Variants in KCNMA1 observed in about 807,000 individuals in gnomAD.
The protein encoded by KCNMA1 is potassium calcium-activated channel subfamily M alpha 1.
In KCNMA1, 29 loss-of-function variants were observed where a neutral mutation model predicts 140.0. The ratio of observed to expected loss-of-function variants is 0.21; its 90% CI spans 0.15 to 0.28. The LOEUF is 0.28. Among genes scored for constraint, KCNMA1 ranks in the 10% least tolerant of loss-of-function variants. The pLI, the probability that KCNMA1 is intolerant of heterozygous loss-of-function variation, is 1.00. For missense variants in KCNMA1, 880 were observed against 1,602.2 expected, an observed-to-expected ratio of 0.55 and a Z score of 7.70; for synonymous variants, 612 against 611.9, an observed-to-expected ratio of 1.00 and a Z score of 0.00.
chr10:77,039,177 T>G, intron 15 of KCNMA1: 1 of 336,542 alleles, frequency 3.0e-6, no homozygotes, highest in Non-Finnish European at 5.6e-6. Flanking sequence ...GCTGGCAAGA[T>G]TTGTTTTGCC....
chr10:77,261,236 C>CAG (rs1173251890), intron 2 of KCNMA1, among the ~76,000 whole-genome samples: 1 of 152,280 alleles, frequency 6.6e-6, no homozygotes, highest in East Asian at 1.9e-4. Flanking sequence ...ATGCATCCAT[C>CAG]AGTATATAGA....
rs35370605 is a variant in KCNMA1, at chr10:77,544,150, CTGTGTGTGTG to C, written c.378+93105_378+93114del. ...ATCTGTGATCTACATATCTTTCCAG[CTGTGTGTGTG>C]TGTGTGTGTGTGTGTGTGTGTGTGT... On this transcript the variant is annotated intron_variant, in intron 1 of 27. Coordinates refer to ENST00000286628, the MANE Select transcript of KCNMA1 (RefSeq NM_001161352.2). 1.6e-4 allele frequency among the ~76,000 whole-genome samples: 23 copies of C among 142,554 alleles called. 1 individual carries two copies. The highest frequency in any genetic ancestry group is 6.9e-4 in the South Asian group (3 of 4,340). 93.5% of individuals were successfully genotyped at this position (142,554 alleles called of 152,430 possible).
At chr10:76,919,017 T>C (rs1265048786) in intron 23 of KCNMA1, among the ~76,000 whole-genome samples, 1 of 151,768 alleles carries the variant, frequency 6.6e-6, no homozygotes, top group African/African-American at 2.4e-5. Context: ...GTGACCTGGA[T>C]GAGACTGGAG....
chr10:77,068,051 C>T (rs1049620974), intron 14 of KCNMA1, among the ~76,000 whole-genome samples: 1 of 152,170 alleles, frequency 6.6e-6, no homozygotes, highest in Non-Finnish European at 1.5e-5. Flanking sequence ...AAGGGCAAAC[C>T]TGGAACCAGT....
chr10:77,158,978 GGCTAAA>G (rs1564889100), intron 5 of KCNMA1, among the ~76,000 whole-genome samples: 3 of 152,170 alleles, frequency 2.0e-5, no homozygotes, highest in Non-Finnish European at 4.4e-5. Context: ...CACAGGTTTA[GGCTAAA>G]GACATTATCC....
intron 1 of KCNMA1, among the ~76,000 whole-genome samples, chr10:77,515,717 C>G (rs915575258): frequency 1.3e-5 from 2 of 151,596 alleles, no homozygotes; most frequent in African/African-American, 4.9e-5. Flanking sequence ...TGTCTCTTTC[C>G]TTCTCTGCCT....
At position 77,501,734 on chromosome 10, in the gene KCNMA1, C is replaced by T. The variant is rs897210634; in HGVS notation, c.379-97711G>A. Reference sequence around the variant, plus strand: ...CCTGGGCAAGTTCCAGGATGCTGTCCTCAAGTACCACGTGGCCACTGCTAC... The same window carrying T: ...CCTGGGCAAGTTCCAGGATGCTGTCTTCAAGTACCACGTGGCCACTGCTAC... On this transcript the variant is annotated intron_variant, in intron 1 of 27. Transcript: ENST00000286628. Among the ~76,000 whole-genome samples the T allele has an allele frequency of 3.3e-5, 5 of 152,218 alleles. No homozygotes were observed. The East Asian group carries it at 9.6e-4, about 29-fold the overall frequency.
chr10:77,410,260 C>T (rs2096589643), intron 1 of KCNMA1, among the ~76,000 whole-genome samples: 1 of 152,230 alleles, frequency 6.6e-6, no homozygotes, highest in South Asian at 2.1e-4. Flanking sequence ...GCTGCTGCCA[C>T]ACCTGCTCTC....
At chr10:77,545,854 G>T (rs538180402) in intron 1 of KCNMA1, among the ~76,000 whole-genome samples, 25 of 152,290 alleles carry the variant, frequency 1.6e-4, no homozygotes, top group African/African-American at 5.1e-4. Flanking sequence ...ATATAGCTCA[G>T]CTCGGACTGA....
chr10:77,581,495 T>C (rs564811599), intron 1 of KCNMA1, among the ~76,000 whole-genome samples: 58 of 152,196 alleles, frequency 3.8e-4, no homozygotes, highest in African/African-American at 1.3e-3. Flanking sequence ...TTAGTAGAGA[T>C]GGGGTTTCAC....
intron 1 of KCNMA1, among the ~76,000 whole-genome samples, chr10:77,585,344 C>CATGGTACTG (rs1244084756): frequency 2.0e-5 from 3 of 152,204 alleles, no homozygotes; most frequent in African/African-American, 7.2e-5. Context: ...TGAGGACAAG[C>CATGGTACTG]ATGGTACTGA....
intron 1 of KCNMA1, among the ~76,000 whole-genome samples, chr10:77,586,013 C>T (rs1478521524): frequency 1.3e-5 from 2 of 152,224 alleles, no homozygotes; most frequent in East Asian, 1.9e-4. Context: ...AATCTGACCA[C>T]GCACACTTTA....
In KCNMA1 at chr10:76,923,507, G is replaced by A. The variant is rs540662462; in HGVS notation, c.2903-8458C>T. Among the ~76,000 whole-genome samples the A allele has an allele frequency of 9.9e-5, 15 of 152,094 alleles. 1 individual carries two copies. In the East Asian group the frequency reaches 2.9e-3, roughly 29 times the overall value. On this transcript the variant is annotated intron_variant, in intron 23 of 27. Transcript: ENST00000286628. Reference sequence around the variant, plus strand: ...GATGTTTCTCAGAAGGGTTGGTTAAGGGGAGGAAGGAAGAAAAAGACAAAG... The same window carrying A: ...GATGTTTCTCAGAAGGGTTGGTTAAAGGGAGGAAGGAAGAAAAAGACAAAG...
intron 2 of KCNMA1, among the ~76,000 whole-genome samples, chr10:77,294,561 C>G (rs2074343860): frequency 6.6e-6 from 1 of 152,192 alleles, no homozygotes. Flanking sequence ...CACATGTGTG[C>G]AAAGACCAAT....
chr10:77,435,102 T>A lies in KCNMA1; in HGVS notation c.379-31079A>T, dbSNP rs185023261. 4.2e-3 allele frequency among the ~76,000 whole-genome samples: 621 copies of A among 146,576 alleles called. 7 individuals carry two copies. Among genetic ancestry groups the A allele is most frequent in the African/African-American group, 0.016 (595 of 37,158 alleles). ...GGCATGTGCTACCACACCTGGCTAT[T>A]TTTTTTTTAATTTTTTGTAGAGATG... On this transcript the variant is annotated intron_variant, in intron 1 of 27. Coordinates refer to ENST00000286628, the MANE Select transcript of KCNMA1 (RefSeq NM_001161352.2).
intron 5 of KCNMA1, among the ~76,000 whole-genome samples, chr10:77,153,711 C>T (rs1454505775): frequency 6.6e-6 from 1 of 152,068 alleles, no homozygotes; most frequent in Non-Finnish European, 1.5e-5. Context: ...TTTTTTTATT[C>T]TGCATTTCTC....
chr10:77,308,942 GA>G (rs1163453457), intron 2 of KCNMA1, among the ~76,000 whole-genome samples: 1 of 152,160 alleles, frequency 6.6e-6, no homozygotes, highest in Non-Finnish European at 1.5e-5. Flanking sequence ...GCCAAGTCAG[GA>G]TTTGAACTCT....
At position 76,920,160 on chromosome 10, in the gene KCNMA1, C is replaced by T. The variant is rs571917968; in HGVS notation, c.2903-5111G>A. Among the ~76,000 whole-genome samples, 5 of 149,568 alleles carry T rather than the reference C, an allele frequency of 3.3e-5. No homozygotes were observed. In the South Asian group the frequency reaches 1.1e-3, roughly 32 times the overall value. On this transcript the variant is annotated intron_variant, in intron 23 of 27. Coordinates refer to ENST00000286628, the MANE Select transcript of KCNMA1 (RefSeq NM_001161352.2). The stretch of plus-strand genomic sequence containing the variant: ...TTCCAGGACACTGTAAACCCAAGTG[C>T]ATTGGAAAATGAGAAAGGCTCAATG...
rs541469781 is a variant in KCNMA1, at chr10:77,012,593, G to A, written c.2016-550C>T. On this transcript the variant is annotated intron_variant, in intron 17 of 27. Transcript: ENST00000286628. ...GGAAAAACGAAAGCCACGAGTCAGT[G>A]GGTTCCTCTGTCAAACCCCCTCTGG... 3.1e-5 allele frequency: 47 copies of A among 1,510,026 alleles called. No individual in the cohort carries two copies. The South Asian group carries it at 5.7e-4, about 18-fold the overall frequency. The allele number at this position is 1,510,026 out of a possible 1,614,324, so 93.5% of individuals were successfully genotyped here.
Sources: gnomAD v4.1 joint callset for allele counts (sites outside exome capture counted in the v4.1 genomes callset) on GRCh38, gnomAD v4.1.1 for gene constraint, MANE v1.5 for transcripts, NCBI Gene and HGNC (gene_info 2026-07-23, HGNC 2026-07-21) for gene names.